SLIT2: variants seen among roughly 807,000 people sequenced by gnomAD.
The protein encoded by SLIT2 is slit guidance ligand 2, also known as slit homolog 2 protein.
In SLIT2, 41 loss-of-function variants were observed where a neutral mutation model predicts 185.7. The observed-to-expected ratio is 0.22, with a 90% CI of 0.17 to 0.29. SLIT2 has a LOEUF of 0.29. Among genes scored for constraint, SLIT2 ranks in the 10% least tolerant of loss-of-function variants. SLIT2 has a pLI of 1.00. For synonymous variants in SLIT2, 693 were observed against 680.2 expected (o/e 1.02, Z -0.29); for missense variants, 1,571 against 1,909.0 (o/e 0.82, Z 3.30).
chr4:20,587,088 G>A (rs902870369), intron 29 of SLIT2, among the ~76,000 whole-genome samples: 4 of 150,878 alleles, frequency 2.7e-5, no homozygotes, highest in Non-Finnish European at 5.9e-5. Flanking sequence ...GCACAATCTC[G>A]GCTCATGGCA....
Position 20,274,903 on chromosome 4 carries a change from A to G in SLIT2, c.395+6022A>G, listed in dbSNP as rs370316193. ...AAACTAACAAAATATGTGGCTCTAT[A>G]TAATATGTGGTATTTGTGGGCCTCA... On this transcript the variant is annotated intron_variant, in intron 4 of 36. Coordinates refer to ENST00000504154, the MANE Select transcript of SLIT2 (RefSeq NM_004787.4). Among the ~76,000 whole-genome samples the G allele has an allele frequency of 2.6e-5, 4 of 152,264 alleles. No individual in the cohort carries two copies. In the South Asian group the frequency reaches 8.3e-4, roughly 32 times the overall value.
In SLIT2 at chr4:20,498,952, A is replaced by G. The variant is rs565880162; in HGVS notation, c.914+7053A>G. ...CCCAGTAGTAGGATTGATAGGTCAA[A>G]TAATAGTTTTATTTTTTGTTCTTTG... On this transcript the variant is annotated intron_variant, in intron 9 of 36. Transcript: ENST00000504154. Among the ~76,000 whole-genome samples the G allele has an allele frequency of 9.8e-5, 15 of 152,314 alleles. No individual in the cohort carries two copies. The South Asian group carries it at 2.9e-3, about 29-fold the overall frequency.
intron 4 of SLIT2, among the ~76,000 whole-genome samples, chr4:20,312,476 A>G (rs1718200356): frequency 6.6e-6 from 1 of 152,134 alleles, no homozygotes; most frequent in South Asian, 2.1e-4. Context: ...TAAAATATAT[A>G]TTAAAGAAAA....
At chr4:20,309,859 A>T (rs1290842486) in intron 4 of SLIT2, among the ~76,000 whole-genome samples, 5 of 144,346 alleles carry the variant, frequency 3.5e-5, no homozygotes, top group Non-Finnish European at 1.5e-5. Context: ...TCCCGGGTTC[A>T]TGCCATTCTC....
chr4:20,491,681 G>T, intron 8 of SLIT2, 80 bp from the exon 9 acceptor site: 9 of 1,196,474 alleles, frequency 7.5e-6, no homozygotes, highest in South Asian at 4.4e-5. Flanking sequence ...GAAATGCTTT[G>T]TTACTTGAGC....
intron 4 of SLIT2, among the ~76,000 whole-genome samples, chr4:20,446,333 A>G (rs903061939): frequency 2.6e-5 from 4 of 152,204 alleles, no homozygotes; most frequent in African/African-American, 4.8e-5. Flanking sequence ...GTGATGTTAT[A>G]TGGTTCCCAT....
At position 20,252,050 on chromosome 4, in the gene SLIT2, C is replaced by G. The variant is rs971913745; in HGVS notation, c.-1766C>G. ...GAGGCAGCTGCGAGGCATGGGAGCG[C>G]CGAAGCGCCCAGGCGCAGGCCGAAG... On this transcript the variant is annotated 5_prime_UTR_variant, in exon 1 of 37. Transcript: ENST00000504154. Among the ~76,000 whole-genome samples, 5 of 152,112 alleles carry G rather than the reference C, an allele frequency of 3.3e-5. No homozygotes were observed. The highest frequency in any genetic ancestry group is 1.2e-4 in the African/African-American group (5 of 41,448).
At chr4:20,416,986 G>A (rs1727739519) in intron 4 of SLIT2, among the ~76,000 whole-genome samples, 2 of 142,808 alleles carry the variant, frequency 1.4e-5, no homozygotes, top group Non-Finnish European at 3.0e-5. Context: ...TTTCACTCAA[G>A]TGCGACACAT....
chr4:20,463,383 T>C (rs1485506566), intron 4 of SLIT2, among the ~76,000 whole-genome samples: 1 of 147,640 alleles, frequency 6.8e-6, no homozygotes, highest in Non-Finnish European at 1.5e-5. Context: ...GTGTCCTTGA[T>C]TATCTTTCTC....
chr4:20,441,032 G>A (rs551639477), intron 4 of SLIT2, among the ~76,000 whole-genome samples: 20 of 149,790 alleles, frequency 1.3e-4, no homozygotes, highest in Admixed American at 1.3e-3. Context: ...GAGCCACAAC[G>A]GGATTAAATG....
intron 4 of SLIT2, among the ~76,000 whole-genome samples, chr4:20,444,033 T>G (rs937899042): frequency 6.6e-6 from 1 of 152,122 alleles, no homozygotes; most frequent in Non-Finnish European, 1.5e-5. Flanking sequence ...TAATATGCAC[T>G]CAAAGGATGT....
intron 5 of SLIT2, among the ~76,000 whole-genome samples, chr4:20,480,360 T>C (rs879373191): frequency 3.3e-5 from 5 of 152,118 alleles, no homozygotes; most frequent in Non-Finnish European, 7.4e-5. Flanking sequence ...ATTAAGTGAT[T>C]TACAGTCCTT....
chr4:20,334,789 G>A (rs1720354578), intron 4 of SLIT2, among the ~76,000 whole-genome samples: 1 of 152,134 alleles, frequency 6.6e-6, no homozygotes, highest in Non-Finnish European at 1.5e-5. Flanking sequence ...TACTAATATG[G>A]CAAATCAATT....
chr4:20,472,319 T>G (rs1414122579), intron 5 of SLIT2, among the ~76,000 whole-genome samples: 2 of 93,210 alleles, frequency 2.1e-5, no homozygotes, highest in African/African-American at 9.3e-5. Context: ...TATATAGATA[T>G]ATATATCTAT....
Position 20,406,826 on chromosome 4 carries a change from G to A in SLIT2, c.396-60926G>A, listed in dbSNP as rs1253741918. On this transcript the variant is annotated intron_variant, in intron 4 of 36. Transcript: ENST00000504154. ...ACTTCTAGGTATACAGTGAACAAAAGCATCAATATTTGTATATCAAACAAT... is the reference window on the plus strand; with the variant it reads ...ACTTCTAGGTATACAGTGAACAAAAACATCAATATTTGTATATCAAACAAT... Among the ~76,000 whole-genome samples, 3 of 109,106 alleles carry A rather than the reference G, an allele frequency of 2.7e-5. 1 individual carries two copies. Among genetic ancestry groups the A allele is most frequent in the Non-Finnish European group, 6.6e-5 (3 of 45,420 alleles). 71.6% of individuals were successfully genotyped at this position (109,106 alleles called of 152,430 possible). A position where few individuals can be genotyped will look rare whatever the true frequency, so the allele number is the denominator to read the frequency against.
intron 4 of SLIT2, among the ~76,000 whole-genome samples, chr4:20,348,818 T>C (rs1443969518): frequency 6.6e-6 from 1 of 152,192 alleles, no homozygotes; most frequent in Admixed American, 6.5e-5. Flanking sequence ...GAGTTCATCC[T>C]CCCAGATTCA....
intron 18 of SLIT2, among the ~76,000 whole-genome samples, chr4:20,535,030 G>A (rs1722145381): frequency 1.3e-5 from 2 of 152,102 alleles, no homozygotes; most frequent in Admixed American, 6.5e-5. Flanking sequence ...ACTGGGCGCG[G>A]TGGCTCATGC....
rs766615625 is a variant in SLIT2 at position 20,596,461 on chromosome 4, A to C, written c.3367A>C (p.Ser1123Arg). ...TCCACCCATGGTCCTCCCTCGTACC[A>C]GCCCCTGTGATAATTTTGATTGTCA... is the stretch of plus-strand genomic sequence containing the variant. ...FSPPMVLPRT[S>R]PCDNFDCQNG... is the part of the protein sequence containing the mutation. Residue 1123 changes from serine (S) to arginine (R), a missense_variant, in exon 32 of 37, where the codon AGC becomes CGC. By Grantham distance (110) the Ser-to-Arg change is moderately radical. This residue lies in a region of SLIT2 where 1,202 missense variants were observed against 1,416.4 expected (regional missense o/e 0.85). Transcript: ENST00000504154. 3.1e-6 allele frequency: 5 copies of C among 1,614,022 alleles called. No homozygotes were observed. In the East Asian group the frequency reaches 1.1e-4, roughly 36 times the overall value.
At chr4:20,364,607 C>T (rs755932650) in intron 4 of SLIT2, among the ~76,000 whole-genome samples, 1 of 151,894 alleles carries the variant, frequency 6.6e-6, no homozygotes, top group Non-Finnish European at 1.5e-5. Flanking sequence ...AAGTCATTTT[C>T]CTGCTCTGAA....
Sources: allele counts gnomAD v4.1 joint callset (sites outside exome capture counted in the v4.1 genomes callset), GRCh38; gene constraint gnomAD v4.1.1; regional missense constraint gnomAD v4.1.1; transcripts MANE v1.5; gene names NCBI Gene and HGNC (gene_info 2026-07-23, HGNC 2026-07-21).